The following FBXO4 variants were observed in gnomAD, a reference collection of about 807,000 sequenced individuals.
The protein encoded by FBXO4 is F-box protein 4.
Under a neutral mutation model 43.7 loss-of-function variants are expected in FBXO4, and 36 were observed. The ratio of observed to expected loss-of-function variants is 0.82; its 90% CI spans 0.63 to 1.09. The LOEUF is 1.09. Ranked by LOEUF, FBXO4 falls within the 50% of genes least tolerant of loss-of-function variation. The probability of loss-of-function intolerance (pLI) is 0.00; values close to 1 mark genes in which losing one functional copy is unlikely to be tolerated. For missense variants in FBXO4, 435 were observed against 474.1 expected (o/e 0.92, Z 0.77); for synonymous variants, 180 against 165.6 (o/e 1.09, Z -0.67).
chr5:41,990,754 A>G, the FBXO4 span, among the ~76,000 whole-genome samples: 2 of 152,176 alleles, frequency 1.3e-5, no homozygotes, highest in Non-Finnish European at 2.9e-5. Context: ...AGTAAAGCAA[A>G]AATAAAAAAA....
the FBXO4 span, among the ~76,000 whole-genome samples, chr5:42,025,313 T>C: frequency 5.9e-5 from 9 of 152,226 alleles, no homozygotes; most frequent in Non-Finnish European, 7.4e-5. Flanking sequence ...TCAATAATGT[T>C]GAGCACCTTT....
chr5:41,961,105 C>T, the FBXO4 span, among the ~76,000 whole-genome samples: 6 of 152,022 alleles, frequency 3.9e-5, no homozygotes, highest in South Asian at 4.2e-4. Flanking sequence ...GCCGTTTCTG[C>T]GTGGGGTGCA....
chr5:41,980,171 T>G, the FBXO4 span, among the ~76,000 whole-genome samples: 1 of 152,130 alleles, frequency 6.6e-6, no homozygotes, highest in African/African-American at 2.4e-5. Flanking sequence ...TAAAAAGCTT[T>G]GGCGGGTATG....
chr5:42,039,222 C>T, the FBXO4 span, among the ~76,000 whole-genome samples: 1 of 152,172 alleles, frequency 6.6e-6, no homozygotes, highest in East Asian at 1.9e-4. Context: ...TTTTTTGTGA[C>T]ATCTGATAGT....
the FBXO4 span, among the ~76,000 whole-genome samples, chr5:41,999,545 GTA>G: frequency 0.23 from 23,345 of 103,320 alleles, 2,728 homozygotes; most frequent in Middle Eastern, 0.32. Flanking sequence ...ACATATATAT[GTA>G]TATATATATA....
chr5:42,006,043 A>G, the FBXO4 span, among the ~76,000 whole-genome samples: 1 of 152,008 alleles, frequency 6.6e-6, no homozygotes, highest in East Asian at 1.9e-4. Flanking sequence ...GCTCTTTTGT[A>G]TTTATGCACC....
chr5:41,925,354 G>A lies in FBXO4; in HGVS notation c.45G>A (p.Pro15=). The A allele has an allele frequency of 7.3e-7, 1 of 1,369,130 alleles. No homozygotes were observed. Among genetic ancestry groups the A allele is most frequent in the South Asian group, 1.7e-5 (1 of 57,766 alleles). The allele number at this position is 1,369,130 out of a possible 1,614,324, so 84.8% of individuals were successfully genotyped here. Reference sequence around the variant, plus strand: ...GCAGCGGAACAAACTCGCCGCCGCCGCCCTTCAGCGACTGGGGCCGCCTGG... The same window carrying A: ...GCAGCGGAACAAACTCGCCGCCGCCACCCTTCAGCGACTGGGGCCGCCTGG... The part of the protein sequence containing the change: ...EPRSGTNSPP[P]PFSDWGRLEA... The change falls in exon 1 of 7, where the codon CCG becomes CCA. Residue 15 remains proline (P), a synonymous_variant. Transcript: ENST00000281623.
At chr5:42,007,907 CT>C in the FBXO4 span, among the ~76,000 whole-genome samples, 2 of 151,992 alleles carry the variant, frequency 1.3e-5, no homozygotes, top group African/African-American at 2.4e-5. Flanking sequence ...TCAAGCAAAA[CT>C]TTTTTTCTAG....
the FBXO4 span, among the ~76,000 whole-genome samples, chr5:41,982,013 C>A: frequency 1.5e-4 from 22 of 151,462 alleles, no homozygotes; most frequent in South Asian, 2.3e-3. Flanking sequence ...GGTTTTTTGT[C>A]CTTGCAATAA....
the FBXO4 span, among the ~76,000 whole-genome samples, chr5:42,032,860 G>C: frequency 6.6e-6 from 1 of 152,262 alleles, no homozygotes; most frequent in Non-Finnish European, 1.5e-5. Context: ...GAAGACAGCA[G>C]GTCTCAGAGG....
At chr5:41,999,055 C>T in the FBXO4 span, among the ~76,000 whole-genome samples, 1 of 139,752 alleles carries the variant, frequency 7.2e-6, no homozygotes, top group African/African-American at 2.7e-5. Flanking sequence ...ACACATGGTC[C>T]ATATATGGAC....
At chr5:41,943,667 CTCTA>C (rs761041013), downstream of FBXO4, among the ~76,000 whole-genome samples, 42 of 152,066 alleles carry the variant, frequency 2.8e-4, no homozygotes, top group Non-Finnish European at 5.0e-4. Context: ...ATCATATAAA[CTCTA>C]TCGCCACTAT....
chr5:42,032,725 C>A, the FBXO4 span, among the ~76,000 whole-genome samples: 7 of 152,284 alleles, frequency 4.6e-5, no homozygotes, highest in African/African-American at 9.6e-5. Context: ...GCTCTACCCC[C>A]CCGTGGCTGT....
the FBXO4 span, among the ~76,000 whole-genome samples, chr5:42,023,226 G>A: frequency 6.6e-6 from 1 of 152,088 alleles, no homozygotes; most frequent in South Asian, 2.1e-4. Flanking sequence ...ATAGTTCATA[G>A]ATAGCACATA....
At chr5:42,038,862 A>G in the FBXO4 span, among the ~76,000 whole-genome samples, 1 of 152,028 alleles carries the variant, frequency 6.6e-6, no homozygotes, top group Non-Finnish European at 1.5e-5. Flanking sequence ...AGAACATGCA[A>G]TATTTGTTTT....
chr5:42,013,850 G>A, the FBXO4 span, among the ~76,000 whole-genome samples: 2 of 152,160 alleles, frequency 1.3e-5, no homozygotes, highest in African/African-American at 4.8e-5. Flanking sequence ...ACATCAGCAA[G>A]TACGTTCTCC....
the FBXO4 span, among the ~76,000 whole-genome samples, chr5:41,974,768 G>A: frequency 2.6e-5 from 4 of 152,080 alleles, no homozygotes; most frequent in East Asian, 7.7e-4. Context: ...TCTGGTTCTG[G>A]TGATTGCTTT....
the FBXO4 span, among the ~76,000 whole-genome samples, chr5:42,001,389 G>A: frequency 1.6e-4 from 24 of 152,160 alleles, no homozygotes; most frequent in Middle Eastern, 6.8e-3. Context: ...GCCACCATGC[G>A]CAGCTCATTT....
At chr5:41,925,900 G>T (rs1316540082) in intron 1 of FBXO4, among the ~76,000 whole-genome samples, 1 of 152,136 alleles carries the variant, frequency 6.6e-6, no homozygotes, top group Non-Finnish European at 1.5e-5. Context: ...CTTTGATTCC[G>T]GATCACTGTA....
Sources: allele counts gnomAD v4.1 joint callset (sites outside exome capture counted in the v4.1 genomes callset), GRCh38; gene constraint gnomAD v4.1.1; transcripts MANE v1.5; gene names NCBI Gene and HGNC (gene_info 2026-07-23, HGNC 2026-07-21).